LRCH3: variants seen among roughly 807,000 people sequenced by gnomAD.
The protein encoded by LRCH3 is DISP complex protein LRCH3.
Under a neutral mutation model 104.5 loss-of-function variants are expected in LRCH3, and 68 were observed. The observed-to-expected ratio is 0.65, with a 90% CI of 0.54 to 0.80. The LOEUF is 0.80. LRCH3 is among the 30% of genes least tolerant of loss of function. The pLI, the probability that LRCH3 is intolerant of heterozygous loss-of-function variation, is 0.00. For missense variants in LRCH3, 951 were observed against 953.9 expected, an observed-to-expected ratio of 1.00 and a Z score of 0.04; for synonymous variants, 344 against 361.3, an observed-to-expected ratio of 0.95 and a Z score of 0.54.
Position 197,839,312 on chromosome 3 carries a change from C to G in LRCH3, c.1252-9C>G, listed in dbSNP as rs767558047. The G allele has an allele frequency of 1.3e-6, 2 of 1,569,426 alleles. No individual in the cohort carries two copies. The highest frequency in any genetic ancestry group is 2.4e-5 in the South Asian group (2 of 83,680). On this transcript the variant is annotated splice_polypyrimidine_tract_variant and intron_variant, in intron 9 of 20. Coordinates refer to ENST00000425562, the MANE Select transcript of LRCH3 (RefSeq NM_001365715.1). ...TACTAAATTTATTTATTTCTGTCCT[C>G]TGGCCTAGGGTTCACCAGTAAAGCC...
chr3:197,869,792 A>G (rs1293708347), intron 17 of LRCH3, among the ~76,000 whole-genome samples: 12 of 111,612 alleles, frequency 1.1e-4, no homozygotes, highest in South Asian at 3.1e-4. Context: ...GTAGAAAGCG[A>G]TGCACTGTAC....
At chr3:197,800,624 A>C (rs1259013205) in intron 1 of LRCH3, among the ~76,000 whole-genome samples, 1 of 152,232 alleles carries the variant, frequency 6.6e-6, no homozygotes, top group African/African-American at 2.4e-5. Flanking sequence ...GGAAGGTTTA[A>C]AATACACATA....
rs891957366 is a variant in LRCH3 at position 197,856,707 on chromosome 3, C to G, written c.1645-2127C>G. On this transcript the variant is annotated intron_variant, in intron 14 of 20. Transcript: ENST00000425562. This position sits in a 1 kb window ranked among gnomAD's most constrained non-coding sequence, Gnocchi z 4.2. ...CAGCTTGTTTATTCTTTTATTATCT[C>G]TTTTCTGTTGGACTACTAGACTATA... is the stretch of plus-strand genomic sequence containing the variant. 3.3e-5 allele frequency among the ~76,000 whole-genome samples: 5 copies of G among 152,078 alleles called. No homozygotes were observed. The highest frequency in any genetic ancestry group is 7.4e-5 in the Non-Finnish European group (5 of 68,004).
chr3:197,827,774 A>G (rs940221955), intron 5 of LRCH3, among the ~76,000 whole-genome samples: 8 of 151,984 alleles, frequency 5.3e-5, no homozygotes, highest in African/African-American at 1.4e-4. Context: ...ATTTGAGTGT[A>G]GACACCATAA....
chr3:197,838,047 A>G lies in LRCH3; in HGVS notation c.1252-1274A>G, dbSNP rs565342513. 2.0e-5 allele frequency among the ~76,000 whole-genome samples: 3 copies of G among 150,524 alleles called. No individual in the cohort carries two copies. The East Asian group carries it at 5.8e-4, about 29-fold the overall frequency. ...TGCACTCCAGCCTAGGTGACAGAGC[A>G]AGATTCTGTATCCAAAAAAAAAAAA... On this transcript the variant is annotated intron_variant, in intron 9 of 20. Transcript: ENST00000425562.
At chr3:197,865,830 T>G (rs140459424) in intron 16 of LRCH3, among the ~76,000 whole-genome samples, 3 of 152,080 alleles carry the variant, frequency 2.0e-5, no homozygotes, top group African/African-American at 7.2e-5. Context: ...CCATTTGATA[T>G]GAATAAGTGA....
At chr3:197,809,874 G>A (rs750266475) in intron 1 of LRCH3, among the ~76,000 whole-genome samples, 6 of 152,118 alleles carry the variant, frequency 3.9e-5, no homozygotes, top group Admixed American at 3.9e-4. Flanking sequence ...TGTCATCTTA[G>A]TGTTGGCATT....
chr3:197,819,127 GAAAAAAA>G (rs1192344643), intron 3 of LRCH3, among the ~76,000 whole-genome samples: 21 of 133,392 alleles, frequency 1.6e-4, no homozygotes, highest in African/African-American at 3.6e-4. Context: ...TTCCGTCTGG[GAAAAAAA>G]AAAAAAAAGA....
intron 1 of LRCH3, among the ~76,000 whole-genome samples, 190 bp downstream of exon 1, chr3:197,791,730 C>G (rs1349528938): frequency 2.0e-5 from 3 of 151,738 alleles, no homozygotes; most frequent in Non-Finnish European, 1.5e-5. Context: ...TGGGGAGAGG[C>G]GGCGGGCGGC....
At chr3:197,843,852 T>C (rs1738197720) in intron 10 of LRCH3, among the ~76,000 whole-genome samples, 1 of 152,242 alleles carries the variant, frequency 6.6e-6, no homozygotes, top group Non-Finnish European at 1.5e-5. Context: ...TCAAGCAATA[T>C]TTCTTAAGCA....
At chr3:197,805,267 T>C (rs546967932) in intron 1 of LRCH3, among the ~76,000 whole-genome samples, 40 of 151,694 alleles carry the variant, frequency 2.6e-4, no homozygotes, top group African/African-American at 9.7e-4. Flanking sequence ...AAACATGACA[T>C]GTTGGACTAT....
intron 10 of LRCH3, among the ~76,000 whole-genome samples, chr3:197,846,713 G>A (rs1439122152): frequency 6.6e-6 from 1 of 152,038 alleles, no homozygotes; most frequent in Non-Finnish European, 1.5e-5. Context: ...TAGTTTTGGA[G>A]GCCACGTCCT....
chr3:197,878,641 G>A (rs1011931686), intron 20 of LRCH3, among the ~76,000 whole-genome samples: 1 of 152,096 alleles, frequency 6.6e-6, no homozygotes, highest in Non-Finnish European at 1.5e-5. Flanking sequence ...GTTTTACACG[G>A]CTTCCTAGCA....
intron 9 of LRCH3, among the ~76,000 whole-genome samples, chr3:197,837,133 A>G (rs1156273246): frequency 1.3e-5 from 2 of 152,206 alleles, no homozygotes; most frequent in Non-Finnish European, 2.9e-5. Flanking sequence ...ATGGCAGTGT[A>G]CTAGGTGACT....
At chr3:197,876,279 A>G (rs1353170966) in intron 20 of LRCH3, 1 of 152,314 alleles carries the variant, frequency 6.6e-6, no homozygotes, top group Non-Finnish European at 1.5e-5. Flanking sequence ...ACATGAGAAC[A>G]ATACGATTAA....
chr3:197,860,633 T>C (rs1321010863), intron 15 of LRCH3, among the ~76,000 whole-genome samples: 8 of 152,116 alleles, frequency 5.3e-5, no homozygotes, highest in South Asian at 2.1e-4. Context: ...TGTGGGTACA[T>C]AGTAAGTGTG....
chr3:197,833,212 T>C (rs192480742), intron 8 of LRCH3, among the ~76,000 whole-genome samples: 4 of 152,040 alleles, frequency 2.6e-5, no homozygotes, highest in Admixed American at 2.0e-4. Flanking sequence ...GTGATAATTA[T>C]TGAGTATTTG....
intron 13 of LRCH3, among the ~76,000 whole-genome samples, chr3:197,853,149 A>G (rs1739843419): frequency 6.6e-6 from 1 of 152,102 alleles, no homozygotes; most frequent in Non-Finnish European, 1.5e-5. Context: ...TGGCTTTCTC[A>G]TTAACCATTT....
At chr3:197,818,829 A>T (rs1734148836) in intron 3 of LRCH3, among the ~76,000 whole-genome samples, 1 of 152,184 alleles carries the variant, frequency 6.6e-6, no homozygotes. Flanking sequence ...GTGGCAGAAT[A>T]AGAATTAGTG....
Sources: allele counts gnomAD v4.1 joint callset (sites outside exome capture counted in the v4.1 genomes callset), GRCh38; gene constraint gnomAD v4.1.1; non-coding constraint Gnocchi (gnomAD v3.1); transcripts MANE v1.5; gene names NCBI Gene and HGNC (gene_info 2026-07-23, HGNC 2026-07-21).